The following SPESP1 variants were observed in gnomAD, a reference collection of about 807,000 sequenced individuals.
SPESP1 encodes equatorial segment protein.
Under a neutral mutation model 3.1 loss-of-function variants are expected in SPESP1, and 1 was observed. That is an observed-to-expected ratio of 0.33 (90% CI 0.12 to 1.54). SPESP1 has a LOEUF of 1.54. Among genes scored for constraint, SPESP1 ranks in the 40% most tolerant of loss-of-function variants. The pLI, the probability that SPESP1 is intolerant of heterozygous loss-of-function variation, is 0.38. For missense variants in SPESP1, 398 were observed against 410.1 expected (o/e 0.97, Z 0.26); for synonymous variants, 138 against 150.7 (o/e 0.92, Z 0.62).
intron 1 of SPESP1, among the ~76,000 whole-genome samples, chr15:68,943,043 G>T (rs576208345): frequency 6.6e-6 from 1 of 151,972 alleles, no homozygotes; most frequent in African/African-American, 2.4e-5. Context: ...AAATAAATGT[G>T]ACTTATAATG....
intron 1 of SPESP1, among the ~76,000 whole-genome samples, chr15:68,936,560 A>T (rs1595717458): frequency 6.6e-6 from 1 of 152,160 alleles, no homozygotes; most frequent in Non-Finnish European, 1.5e-5. Flanking sequence ...GGTCTGGGGG[A>T]TAAGGGATAT....
chr15:68,934,369 A>G (rs1895630828), intron 1 of SPESP1, among the ~76,000 whole-genome samples: 1 of 152,230 alleles, frequency 6.6e-6, no homozygotes, highest in African/African-American at 2.4e-5. Context: ...GAGGAAAAGA[A>G]TATTCTTTTA....
At chr15:68,931,661 G>A (rs186631999) in intron 1 of SPESP1, among the ~76,000 whole-genome samples, 7 of 152,274 alleles carry the variant, frequency 4.6e-5, no homozygotes, top group African/African-American at 1.7e-4. Context: ...ACCTGCCAAG[G>A]AGCAATTTTT....
intron 1 of SPESP1, among the ~76,000 whole-genome samples, chr15:68,937,620 C>T (rs971292998): frequency 1.3e-5 from 2 of 152,128 alleles, no homozygotes; most frequent in African/African-American, 4.8e-5. Flanking sequence ...CCCCTCACCC[C>T]CCACCCACCA....
At position 68,946,406 on chromosome 15, in the gene SPESP1, A is replaced by G. The variant is rs776039704; in HGVS notation, c.872A>G (p.Asn291Ser). The change falls in exon 2 of 2, where the codon AAT (asparagine) becomes AGT (serine). Residue 291 changes from asparagine (N) to serine (S), a missense_variant. Transcript: ENST00000310673. ...SQLLPVGRTS[N>S]KIDDIETVIN... ...TTATTGCCAGTAGGACGAACAAGTA[A>G]TAAAATTGATGACATCGAAACTGTT... is the stretch of plus-strand genomic sequence containing the variant. 3 of 1,614,126 alleles carry G rather than the reference A, an allele frequency of 1.9e-6. No individual in the cohort carries two copies. The East Asian group carries it at 6.7e-5, about 36-fold the overall frequency.
intron 1 of SPESP1, among the ~76,000 whole-genome samples, chr15:68,930,969 C>CA (rs1895519834): frequency 6.6e-6 from 1 of 152,230 alleles, no homozygotes; most frequent in Admixed American, 6.5e-5. Flanking sequence ...GGAACCCCCT[C>CA]ACCTCACCGG....
Position 68,946,750 on chromosome 15 carries a change from G to A in SPESP1, c.*163G>A, listed in dbSNP as rs1190821594. On this transcript the variant is annotated 3_prime_UTR_variant, in exon 2 of 2. Transcript: ENST00000310673. Reference sequence around the variant, plus strand: ...ATGTGCCAACATCTTTATGTGTCATGTGTTATGAACAATTTTCATATGCAC... The same window carrying A: ...ATGTGCCAACATCTTTATGTGTCATATGTTATGAACAATTTTCATATGCAC... The A allele has an allele frequency of 4.3e-6, 4 of 938,044 alleles. No homozygotes were observed. The Admixed American group carries it at 1.2e-4, about 28-fold the overall frequency. 58.1% of individuals were successfully genotyped at this position (938,044 alleles called of 1,614,324 possible). A position where few individuals can be genotyped will look rare whatever the true frequency, so the allele number is the denominator to read the frequency against.
Position 68,946,252 on chromosome 15 carries a change from G to C in SPESP1, c.718G>C (p.Ala240Pro), listed in dbSNP as rs201371729. 1 of 1,614,048 alleles carries C rather than the reference G, an allele frequency of 6.2e-7. No individual in the cohort carries two copies. The highest frequency in any genetic ancestry group is 1.1e-5 in the South Asian group (1 of 91,068). Residue 240 changes from alanine to proline, a missense_variant, in exon 2 of 2, where the codon GCA (alanine) becomes CCA (proline). Transcript: ENST00000310673. ...AGATATTAATTCACAAGTGCAACAG[G>C]CACTTCTTAGTGACACCAGCAACCC... The part of the protein sequence containing the change: ...ILDINSQVQQ[A>P]LLSDTSNPAY...
At chr15:68,939,106 A>G (rs902134203) in intron 1 of SPESP1, among the ~76,000 whole-genome samples, 2 of 152,202 alleles carry the variant, frequency 1.3e-5, no homozygotes, top group South Asian at 2.1e-4. Flanking sequence ...GCTCACCTTC[A>G]GGCCCCATAT....
rs1226754762 is a variant in SPESP1 at position 68,946,092 on chromosome 15, G to C, written c.558G>C (p.Lys186Asn). 1.2e-6 allele frequency: 2 copies of C among 1,614,162 alleles called. No individual in the cohort carries two copies. The highest frequency in any genetic ancestry group is 2.2e-5 in the East Asian group (1 of 44,882). The change falls in exon 2 of 2, where the codon AAG (lysine) becomes AAC (asparagine). Residue 186 changes from lysine (K) to asparagine (N), a missense_variant. Coordinates refer to ENST00000310673, the MANE Select transcript of SPESP1 (RefSeq NM_145658.4). ...SYKSPVTTLD[K>N]STGIGISTES... The stretch of plus-strand genomic sequence containing the variant: ...AGTCACCTGTCACCACTTTAGATAA[G>C]AGCACTGGCATTGGGATCTCTACAG...
intron 1 of SPESP1, among the ~76,000 whole-genome samples, chr15:68,943,392 A>C (rs1343737823): frequency 6.6e-6 from 1 of 152,188 alleles, no homozygotes; most frequent in Non-Finnish European, 1.5e-5. Flanking sequence ...TAAGCATTAC[A>C]TAAAATGCAG....
chr15:68,937,841 T>C (rs771308862), intron 1 of SPESP1, among the ~76,000 whole-genome samples: 1 of 152,250 alleles, frequency 6.6e-6, no homozygotes, highest in African/African-American at 2.4e-5. Context: ...TTATGAACAA[T>C]GAATTTTAGC....
intron 1 of SPESP1, among the ~76,000 whole-genome samples, chr15:68,932,030 T>C (rs574003921): frequency 6.6e-6 from 1 of 152,372 alleles, no homozygotes; most frequent in South Asian, 2.1e-4. Flanking sequence ...GATGAAGTTC[T>C]AGGTAACTAA....
In SPESP1 at chr15:68,930,628, A is replaced by T. The variant is rs748900902; in HGVS notation, c.-26A>T. 7.4e-6 allele frequency: 12 copies of T among 1,613,502 alleles called. No homozygotes were observed. In the Admixed American group the frequency reaches 2.0e-4, roughly 27 times the overall value. ...GGTGGCCCCAGGACGTTCCGGTCGC[A>T]TGGCAGAGTGCTACGGACGACGCCT... is the stretch of plus-strand genomic sequence containing the variant. On this transcript the variant is annotated 5_prime_UTR_variant, in exon 1 of 2. It removes an upstream start codon present in the reference 5' UTR. Coordinates refer to ENST00000310673, the MANE Select transcript of SPESP1 (RefSeq NM_145658.4).
In SPESP1 at chr15:68,932,644, G is replaced by C. The variant is rs575301760; in HGVS notation, c.64+1927G>C. ...TGACCTCAAATGATCCATCCGCCTC[G>C]GCCTTGCAAAGTGCTGGGATTACAG... On this transcript the variant is annotated intron_variant, in intron 1 of 1. Coordinates refer to ENST00000310673, the MANE Select transcript of SPESP1 (RefSeq NM_145658.4). Among the ~76,000 whole-genome samples, 4 of 152,190 alleles carry C rather than the reference G, an allele frequency of 2.6e-5. No homozygotes were observed. In the East Asian group the frequency reaches 7.7e-4, roughly 29 times the overall value.
At chr15:68,935,227 T>G (rs1172839717) in intron 1 of SPESP1, among the ~76,000 whole-genome samples, 1 of 152,238 alleles carries the variant, frequency 6.6e-6, no homozygotes, top group Non-Finnish European at 1.5e-5. Flanking sequence ...TTATCCGCAC[T>G]AGAATTGTAA....
rs1895981066 is a variant in SPESP1 at position 68,946,747 on chromosome 15, CAT to C, written c.*161_*162del. 2.1e-6 allele frequency: 2 copies of C among 952,902 alleles called. No individual in the cohort carries two copies. Among genetic ancestry groups the C allele is most frequent in the African/African-American group, 1.7e-5 (1 of 58,710 alleles). 59.0% of individuals were successfully genotyped at this position (952,902 alleles called of 1,614,324 possible). A position where few individuals can be genotyped will look rare whatever the true frequency, so the allele number is the denominator to read the frequency against. On this transcript the variant is annotated 3_prime_UTR_variant, in exon 2 of 2. Transcript: ENST00000310673. Reference sequence around the variant, plus strand: ...CAAATGTGCCAACATCTTTATGTGTCATGTGTTATGAACAATTTTCATATGCA... The same window carrying C: ...CAAATGTGCCAACATCTTTATGTGTCGTGTTATGAACAATTTTCATATGCA...
intron 1 of SPESP1, among the ~76,000 whole-genome samples, chr15:68,944,451 T>G (rs949437945): frequency 1.3e-5 from 2 of 151,990 alleles, no homozygotes; most frequent in Non-Finnish European, 2.9e-5. Flanking sequence ...TTAAGTCAAC[T>G]AAAACAATTT....
Position 68,946,706 on chromosome 15 carries a change from A to G in SPESP1, c.*119A>G. On this transcript the variant is annotated 3_prime_UTR_variant, in exon 2 of 2. Transcript: ENST00000310673. ...GTAATTTCAAAAGTTGTATAAAAAT[A>G]TTTTCTATTGTAGTTCAAATGTGCC... 2 of 1,219,666 alleles carry G rather than the reference A, an allele frequency of 1.6e-6. No individual in the cohort carries two copies. The highest frequency in any genetic ancestry group is 2.1e-6 in the Non-Finnish European group (2 of 953,228). The allele number at this position is 1,219,666 out of a possible 1,614,324, so 75.6% of individuals were successfully genotyped here.
Sources: gnomAD v4.1 joint callset for allele counts (sites outside exome capture counted in the v4.1 genomes callset) on GRCh38, gnomAD v4.1.1 for gene constraint, MANE v1.5 for transcripts, NCBI Gene and HGNC (gene_info 2026-07-23, HGNC 2026-07-21) for gene names.